Variants in ROBO1 observed in about 807,000 individuals in gnomAD.
ROBO1 encodes roundabout homolog 1.
In ROBO1, 149 loss-of-function variants were observed where a neutral mutation model predicts 195.9. The ratio of observed to expected loss-of-function variants is 0.76; its 90% confidence interval spans 0.67 to 0.87. ROBO1 has a LOEUF of 0.87. ROBO1 is among the 40% of genes least tolerant of loss of function. The pLI, the probability that ROBO1 is intolerant of heterozygous loss-of-function variation, is 0.00. For synonymous variants in ROBO1, 816 were observed against 733.2 expected, an observed-to-expected ratio of 1.11 and a Z score of -1.82; for missense variants, 1,933 against 2,068.3, an observed-to-expected ratio of 0.93 and a Z score of 1.27.
chr3:78,662,206 C>A, intron 14 of ROBO1, 92 bp from the exon 15 acceptor site: 2 of 1,157,338 alleles, frequency 1.7e-6, no homozygotes, highest in Non-Finnish European at 2.4e-6. Flanking sequence ...TTCATAGCAA[C>A]TCTCAGTAAA....
chr3:79,713,502 C>T (rs1702358219), intron 1 of ROBO1, among the ~76,000 whole-genome samples: 1 of 152,010 alleles, frequency 6.6e-6, no homozygotes, highest in Non-Finnish European at 1.5e-5. Flanking sequence ...GAGTTTAAGC[C>T]TTCATTGGAG....
At chr3:79,056,527 G>A (rs373534679) in intron 3 of ROBO1, among the ~76,000 whole-genome samples, 13 of 152,020 alleles carry the variant, frequency 8.6e-5, no homozygotes, top group South Asian at 6.2e-4. Context: ...GTTCACATTC[G>A]GAGAGATTCT....
intron 2 of ROBO1, among the ~76,000 whole-genome samples, chr3:79,252,297 A>C (rs975070213): frequency 3.9e-5 from 6 of 152,162 alleles, no homozygotes; most frequent in African/African-American, 1.4e-4. Context: ...AGATGTAATT[A>C]AGTTAAGATG....
At chr3:79,648,879 T>A (rs1576175424) in intron 1 of ROBO1, among the ~76,000 whole-genome samples, 1 of 152,222 alleles carries the variant, frequency 6.6e-6, no homozygotes, top group Middle Eastern at 3.4e-3. Context: ...ACTGCAGGTT[T>A]CTCAATGGCC....
chr3:79,505,002 T>G lies in ROBO1; in HGVS notation c.88+84822A>C, dbSNP rs914781438. Among the ~76,000 whole-genome samples, 23 of 150,370 alleles carry G rather than the reference T, an allele frequency of 1.5e-4. No individual in the cohort carries two copies. In the East Asian group the frequency reaches 4.5e-3, roughly 29 times the overall value. On this transcript the variant is annotated intron_variant, in intron 2 of 30. Coordinates refer to ENST00000464233, the MANE Select transcript of ROBO1 (RefSeq NM_002941.4). ...TCCCATTTTGCAGCTCTTAAAATAC[T>G]TTATAGATGCTAAGAATACCTCCCT... is the stretch of plus-strand genomic sequence containing the variant.
At chr3:79,447,369 A>G (rs552150580) in intron 2 of ROBO1, among the ~76,000 whole-genome samples, 5 of 152,164 alleles carry the variant, frequency 3.3e-5, no homozygotes, top group Non-Finnish European at 5.9e-5. Context: ...ATTCAACAGA[A>G]GCAAAGAATT....
At chr3:79,387,562 G>A (rs970689485) in intron 2 of ROBO1, among the ~76,000 whole-genome samples, 9 of 151,504 alleles carry the variant, frequency 5.9e-5, no homozygotes, top group Non-Finnish European at 1.0e-4. Flanking sequence ...TTTTAAAAAG[G>A]GCTTATTTCA....
intron 29 of ROBO1, 148 bp downstream of exon 29, chr3:78,606,585 T>C (rs1241768599): frequency 2.6e-6 from 2 of 761,148 alleles, no homozygotes; most frequent in Non-Finnish European, 4.5e-6. Flanking sequence ...GTGAACTGTA[T>C]TAAAATTATT....
intron 3 of ROBO1, among the ~76,000 whole-genome samples, chr3:79,114,183 C>T (rs2079947310): frequency 6.6e-6 from 1 of 152,186 alleles, no homozygotes; most frequent in Non-Finnish European, 1.5e-5. Context: ...AAACCTCTCT[C>T]CTGTATAAAT....
At chr3:78,761,444 A>T (rs2083102835) in intron 4 of ROBO1, among the ~76,000 whole-genome samples, 1 of 152,144 alleles carries the variant, frequency 6.6e-6, no homozygotes, top group Admixed American at 6.5e-5. Context: ...CTTTTTGACT[A>T]TTTTTAACAA....
intron 3 of ROBO1, among the ~76,000 whole-genome samples, chr3:78,986,264 A>C (rs1410998156): frequency 6.6e-6 from 1 of 152,206 alleles, no homozygotes; most frequent in Non-Finnish European, 1.5e-5. Flanking sequence ...ATCAGTCCTT[A>C]ATTACAATCA....
At chr3:78,901,514 C>A (rs1033773895) in intron 4 of ROBO1, among the ~76,000 whole-genome samples, 1 of 152,056 alleles carries the variant, frequency 6.6e-6, no homozygotes, top group African/African-American at 2.4e-5. Flanking sequence ...ATAGGTAATT[C>A]CTGGTATCCA....
intron 3 of ROBO1, among the ~76,000 whole-genome samples, chr3:79,085,521 T>C (rs1399031625): frequency 6.6e-6 from 1 of 152,166 alleles, no homozygotes; most frequent in Non-Finnish European, 1.5e-5. Context: ...AACATTTTTC[T>C]TCTTTCTGGG....
intron 2 of ROBO1, among the ~76,000 whole-genome samples, chr3:79,151,976 A>G (rs1468267940): frequency 6.6e-6 from 1 of 151,704 alleles, no homozygotes; most frequent in African/African-American, 2.4e-5. Context: ...TTTCTTTTTT[A>G]ATCTAGCACA....
At chr3:79,275,657 A>G (rs2030970681) in intron 2 of ROBO1, among the ~76,000 whole-genome samples, 1 of 152,012 alleles carries the variant, frequency 6.6e-6, no homozygotes, top group South Asian at 2.1e-4. Context: ...AAAGAAATAC[A>G]GGACATCCAA....
intron 2 of ROBO1, among the ~76,000 whole-genome samples, chr3:79,371,065 TTTTC>T (rs2036174886): frequency 6.6e-6 from 1 of 152,190 alleles, no homozygotes; most frequent in Non-Finnish European, 1.5e-5. Context: ...TATTGCCACA[TTTTC>T]TTTATCTAGT....
chr3:79,407,836 A>G (rs4680961), intron 2 of ROBO1, among the ~76,000 whole-genome samples: 62,682 of 151,942 alleles, frequency 0.41, 13,121 homozygotes, highest in Admixed American at 0.51. Flanking sequence ...AGACCAAAAT[A>G]AAATAACATA....
intron 2 of ROBO1, among the ~76,000 whole-genome samples, chr3:79,326,969 A>C (rs544363403): frequency 6.6e-6 from 1 of 152,322 alleles, no homozygotes; most frequent in Admixed American, 6.5e-5. Flanking sequence ...TAGGAAGTTA[A>C]GTCACTTTAT....
chr3:78,852,582 G>C (rs1410947916), intron 4 of ROBO1, among the ~76,000 whole-genome samples: 1 of 151,998 alleles, frequency 6.6e-6, no homozygotes, highest in East Asian at 1.9e-4. Context: ...TTAATCCTTT[G>C]TCCTCAATAT....
Sources: gnomAD v4.1 joint callset for allele counts (sites outside exome capture counted in the v4.1 genomes callset) on GRCh38, gnomAD v4.1.1 for gene constraint, MANE v1.5 for transcripts, NCBI Gene and HGNC (gene_info 2026-07-23, HGNC 2026-07-21) for gene names.